EPHX4: variants seen among roughly 807,000 people sequenced by gnomAD.
The protein encoded by EPHX4 is abhydrolase domain containing 7.
A neutral mutation model predicts 44.9 loss-of-function variants in EPHX4; 31 were observed. That is an observed-to-expected ratio of 0.69 (90% CI 0.52 to 0.93). The LOEUF (loss-of-function observed/expected upper bound fraction) is 0.93. Ranked by LOEUF, EPHX4 falls within the 40% of genes least tolerant of loss-of-function variation. The pLI is 0.00. For missense variants in EPHX4, 373 were observed against 438.1 expected (o/e 0.85, Z 1.33); for synonymous variants, 151 against 159.7 (o/e 0.95, Z 0.41).
At chr1:92,036,784 A>T (rs1435612434) in intron 2 of EPHX4, among the ~76,000 whole-genome samples, 2 of 152,222 alleles carry the variant, frequency 1.3e-5, no homozygotes, top group Non-Finnish European at 2.9e-5. Context: ...CTGGTTGTTT[A>T]GGGAGCATCT....
intron 5 of EPHX4, among the ~76,000 whole-genome samples, 194 bp from the exon 6 acceptor site, chr1:92,052,316 A>G (rs1375803542): frequency 6.6e-6 from 1 of 152,236 alleles, no homozygotes; most frequent in Non-Finnish European, 1.5e-5. Context: ...AGGGAAGAAT[A>G]TAGAAAAAAT....
At chr1:92,032,922 C>CA (rs1239520624) in intron 2 of EPHX4, among the ~76,000 whole-genome samples, 1 of 152,098 alleles carries the variant, frequency 6.6e-6, no homozygotes. Context: ...AATACTGTTA[C>CA]AATGGCAATT....
In EPHX4 at chr1:92,050,397, A is replaced by G. The variant is rs760951066; in HGVS notation, c.685A>G (p.Met229Val). The part of the protein sequence containing the change: ...FFQIPWFPEF[M>V]FSINDFKVLK... ...CCAAATACCATGGTTCCCAGAATTT[A>G]TGTTCTCAATAAATGATTTCAAGGT... Residue 229 changes from methionine (M) to valine (V), a missense_variant, in exon 5 of 7, where the codon ATG becomes GTG. By Grantham distance (21) the Met-to-Val change is conservative. Transcript: ENST00000370383. 3 of 1,595,572 alleles carry G rather than the reference A, an allele frequency of 1.9e-6. No homozygotes were observed. The Admixed American group carries it at 5.1e-5, about 27-fold the overall frequency.
chr1:92,043,974 C>G (rs1306484068), intron 3 of EPHX4, among the ~76,000 whole-genome samples: 1 of 152,134 alleles, frequency 6.6e-6, no homozygotes, highest in Non-Finnish European at 1.5e-5. Context: ...AATCACATGG[C>G]CAAGTCTAAA....
intron 5 of EPHX4, 80 bp downstream of exon 5, chr1:92,050,500 A>G: frequency 1.3e-6 from 1 of 788,200 alleles, no homozygotes; most frequent in South Asian, 2.4e-5. Context: ...TTTAAGAAGA[A>G]TAATGAAAAA....
intron 4 of EPHX4, among the ~76,000 whole-genome samples, chr1:92,047,800 T>C (rs987903180): frequency 2.6e-5 from 4 of 152,128 alleles, no homozygotes; most frequent in African/African-American, 9.7e-5. Flanking sequence ...AAAAAGCAAA[T>C]AAATATCTTA....
At chr1:92,051,448 T>C (rs1359593624) in intron 5 of EPHX4, among the ~76,000 whole-genome samples, 5 of 152,148 alleles carry the variant, frequency 3.3e-5, no homozygotes, top group Admixed American at 1.3e-4. Context: ...TTCTTTCTTT[T>C]TTTTCTAATT....
In EPHX4 at chr1:92,057,845, C is replaced by T. The variant is rs1455002839; in HGVS notation, c.857+5187C>T. On this transcript the variant is annotated intron_variant, in intron 6 of 6. Transcript: ENST00000370383. ...GGAACTCCTGACCTCAGGTGATCCA[C>T]CCACCTCAGCCTCCCAAAATGCTGG... Among the ~76,000 whole-genome samples, 8 of 152,192 alleles carry T rather than the reference C, an allele frequency of 5.3e-5. No individual in the cohort carries two copies. In the South Asian group the frequency reaches 8.3e-4, roughly 16 times the overall value.
chr1:92,038,640 A>G (rs1488803994), intron 2 of EPHX4, among the ~76,000 whole-genome samples: 3 of 152,114 alleles, frequency 2.0e-5, no homozygotes, highest in Non-Finnish European at 4.4e-5. Context: ...CCCCAGCTGT[A>G]ATGGAGAGAG....
Position 92,030,440 on chromosome 1 carries a change from G to GTT in EPHX4, c.231+131_231+132dup. ...GTGTCCTGGCAGGAGGGGAGGAGGG[G>GTT]TTGGGTCCCTGTGTGTCGTGTGTGT... On this transcript the variant is annotated intron_variant, in intron 1 of 6. Transcript: ENST00000370383. 5.6e-6 allele frequency: 4 copies of GTT among 709,692 alleles called. No homozygotes were observed. In the South Asian group the frequency reaches 7.8e-5, roughly 14 times the overall value. 44.0% of individuals were successfully genotyped at this position (709,692 alleles called of 1,614,324 possible).
At chr1:92,049,315 A>G (rs1458105994) in intron 4 of EPHX4, among the ~76,000 whole-genome samples, 2 of 152,096 alleles carry the variant, frequency 1.3e-5, no homozygotes, top group African/African-American at 2.4e-5. Flanking sequence ...AGCAAACATC[A>G]CATCCCAGAG....
chr1:92,033,413 A>G (rs1023903033), intron 2 of EPHX4, among the ~76,000 whole-genome samples: 20 of 152,310 alleles, frequency 1.3e-4, no homozygotes, highest in East Asian at 5.8e-4. Flanking sequence ...AACAGTTTGT[A>G]TAGAGTATCT....
At chr1:92,055,622 A>C (rs1298083543) in intron 6 of EPHX4, among the ~76,000 whole-genome samples, 1 of 152,172 alleles carries the variant, frequency 6.6e-6, no homozygotes, top group Non-Finnish European at 1.5e-5. Context: ...TATAGCAACA[A>C]TGTCTGAAAC....
chr1:92,044,394 G>C (rs888247253), intron 3 of EPHX4, among the ~76,000 whole-genome samples: 4 of 152,170 alleles, frequency 2.6e-5, no homozygotes, highest in Admixed American at 2.6e-4. Context: ...CAAGATTTAT[G>C]CATGTGTGTT....
rs878935974 is a variant in EPHX4 at position 92,063,046 on chromosome 1, T to C, written c.858-9T>C. The C allele has an allele frequency of 3.7e-6, 6 of 1,602,678 alleles. No individual in the cohort carries two copies. In the South Asian group the frequency reaches 6.7e-5, roughly 18 times the overall value. On this transcript the variant is annotated splice_polypyrimidine_tract_variant and intron_variant, in intron 6 of 6. Coordinates refer to ENST00000370383, the MANE Select transcript of EPHX4 (RefSeq NM_173567.5). Reference sequence around the variant, plus strand: ...GTGAATCTCAAGCCCATGTATTTTGTTTTTATAGCTGCCTGCCTCTCAAAC... The same window carrying C: ...GTGAATCTCAAGCCCATGTATTTTGCTTTTATAGCTGCCTGCCTCTCAAAC...
At chr1:92,047,507 G>A (rs1212192126) in intron 4 of EPHX4, among the ~76,000 whole-genome samples, 1 of 152,110 alleles carries the variant, frequency 6.6e-6, no homozygotes, top group East Asian at 1.9e-4. Context: ...CAGCAGAACT[G>A]CTTTATGTGT....
At chr1:92,051,728 C>T (rs895667097) in intron 5 of EPHX4, among the ~76,000 whole-genome samples, 1 of 152,194 alleles carries the variant, frequency 6.6e-6, no homozygotes, top group Non-Finnish European at 1.5e-5. Context: ...TAACAGTGAT[C>T]AGTGGGCTCA....
intron 1 of EPHX4, among the ~76,000 whole-genome samples, chr1:92,032,077 G>A (rs549162561): frequency 1.2e-4 from 19 of 152,312 alleles, no homozygotes; most frequent in African/African-American, 4.6e-4. Context: ...TATAAATTCA[G>A]ATTAGAATTA....
intron 2 of EPHX4, among the ~76,000 whole-genome samples, chr1:92,037,600 A>G (rs1226393353): frequency 1.3e-5 from 2 of 152,170 alleles, no homozygotes; most frequent in Admixed American, 1.3e-4. Flanking sequence ...TCATCACTCA[A>G]GTGCTAAGGC....
Sources: allele counts gnomAD v4.1 joint callset (sites outside exome capture counted in the v4.1 genomes callset), GRCh38; gene constraint gnomAD v4.1.1; transcripts MANE v1.5; gene names NCBI Gene and HGNC (gene_info 2026-07-23, HGNC 2026-07-21).